The following PTPRK variants were observed in gnomAD, a reference collection of about 807,000 sequenced individuals.
The protein encoded by PTPRK is protein tyrosine phosphatase receptor type K.
Under a neutral mutation model 178.0 loss-of-function variants are expected in PTPRK, and 75 were observed. The ratio of observed to expected loss-of-function variants is 0.42; its 90% CI spans 0.35 to 0.51. PTPRK has a LOEUF of 0.51. Among genes scored for constraint, PTPRK ranks in the 20% least tolerant of loss-of-function variants. The probability of loss-of-function intolerance (pLI) is 0.02; values close to 1 mark genes in which losing one functional copy is unlikely to be tolerated. For synonymous variants in PTPRK, 637 were observed against 620.6 expected (o/e 1.03, Z -0.39); for missense variants, 1,441 against 1,797.8 (o/e 0.80, Z 3.59).
At chr6:128,018,466 A>G (rs1199350085) in intron 13 of PTPRK, among the ~76,000 whole-genome samples, 1 of 152,054 alleles carries the variant, frequency 6.6e-6, no homozygotes, top group Non-Finnish European at 1.5e-5. Flanking sequence ...AAAAACACTA[A>G]TAGTGAACAT....
intron 1 of PTPRK, among the ~76,000 whole-genome samples, chr6:128,494,332 G>T (rs1351492809): frequency 6.6e-6 from 1 of 151,626 alleles, no homozygotes; most frequent in East Asian, 1.9e-4. Context: ...TGATTTAGTA[G>T]ATTTTAAATT....
chr6:128,449,870 A>C (rs1420497047), intron 1 of PTPRK, among the ~76,000 whole-genome samples: 1 of 151,860 alleles, frequency 6.6e-6, no homozygotes, highest in Non-Finnish European at 1.5e-5. Flanking sequence ...GCGAGGCAGA[A>C]GAATTATTTG....
At position 128,089,756 on chromosome 6, in the gene PTPRK, T is replaced by C; in HGVS notation, c.1399A>G (p.Met467Val). 3.1e-6 allele frequency: 5 copies of C among 1,613,508 alleles called. No homozygotes were observed. Among genetic ancestry groups the C allele is most frequent in the Non-Finnish European group, 3.4e-6 (4 of 1,179,428 alleles). ...CTTCCCTCTGGATTGGTTAGGATCA[T>C]CTTGAGGCTGACATTTGTATAAGGT... ...LPPYTNVSLK[M>V]ILTNPEGRKE... The change falls in exon 8 of 30, where the codon ATG (methionine) becomes GTG (valine). Residue 467 changes from methionine to valine, a missense_variant. By Grantham distance (21) the Met-to-Val change is conservative. Around this residue, in one of 4 missense-constraint regions of PTPRK, gnomAD observed 945 missense variants for 1,080.6 expected, o/e 0.87. Transcript: ENST00000368226.
chr6:127,992,651 A>G (rs1336227359), intron 19 of PTPRK, 22 bp downstream of exon 19: 12 of 1,582,558 alleles, frequency 7.6e-6, no homozygotes, highest in Non-Finnish European at 1.0e-5. Flanking sequence ...TTTCTATAAC[A>G]TTTAACAAGG....
intron 13 of PTPRK, among the ~76,000 whole-genome samples, chr6:128,046,448 AG>A (rs2114855182): frequency 1.3e-5 from 2 of 152,230 alleles, no homozygotes; most frequent in South Asian, 4.1e-4. Flanking sequence ...ATTCCATCCT[AG>A]GGACCAAGAA....
chr6:128,210,046 G>C (rs1162223092), intron 6 of PTPRK, among the ~76,000 whole-genome samples: 1 of 152,106 alleles, frequency 6.6e-6, no homozygotes, highest in Non-Finnish European at 1.5e-5. Context: ...AGACTGCCTT[G>C]GAGAAGGTAA....
At position 128,520,430 on chromosome 6, in the gene PTPRK, G is replaced by A; in HGVS notation, c.-72C>T. On this transcript the variant is annotated 5_prime_UTR_variant, in exon 1 of 30. Transcript: ENST00000368226. ...GGGGATCGCCGCGAAATCCACGACG[G>A]AGGAGCGGGCCGGGCCTCGCGGGGT... 3 of 1,459,872 alleles carry A rather than the reference G, an allele frequency of 2.1e-6. No individual in the cohort carries two copies. The highest frequency in any genetic ancestry group is 2.8e-6 in the Non-Finnish European group (3 of 1,064,642). 90.4% of individuals were successfully genotyped at this position (1,459,872 alleles called of 1,614,324 possible).
rs116711427 is a variant in PTPRK, at chr6:128,200,336, T to C, written c.869-15611A>G. Among the ~76,000 whole-genome samples, 788 of 152,210 alleles carry C rather than the reference T, an allele frequency of 5.2e-3. 13 individuals are homozygous for C. Among genetic ancestry groups the C allele is most frequent in the African/African-American group, 0.018 (752 of 41,518 alleles). ...TGCAAATGAGTCATTTAAAAGGGGA[T>C]TTAGCTCATGATTTGACTTTTATCA... On this transcript the variant is annotated intron_variant, in intron 6 of 29. Transcript: ENST00000368226.
intron 9 of PTPRK, 124 bp from the exon 10 acceptor site, chr6:128,082,762 T>G: frequency 1.6e-6 from 1 of 638,308 alleles, no homozygotes; most frequent in Non-Finnish European, 2.5e-6. Context: ...TTTTTTCTTC[T>G]TTTCTTTCTC....
chr6:127,980,456 C>T (rs1775186358), intron 25 of PTPRK, among the ~76,000 whole-genome samples: 1 of 151,766 alleles, frequency 6.6e-6, no homozygotes. Flanking sequence ...CATGCCACTG[C>T]ACTCCAGCCT....
chr6:128,126,862 G>T (rs906011901), intron 7 of PTPRK, among the ~76,000 whole-genome samples: 1 of 152,102 alleles, frequency 6.6e-6, no homozygotes, highest in Admixed American at 6.5e-5. Flanking sequence ...GCTTAATTTT[G>T]TATGAAATGT....
chr6:128,425,956 C>CT (rs34437896), intron 1 of PTPRK, among the ~76,000 whole-genome samples: 3 of 152,170 alleles, frequency 2.0e-5, no homozygotes, highest in Non-Finnish European at 2.9e-5. Flanking sequence ...ACATTAAATA[C>CT]TTTTTTTACT....
At chr6:128,040,659 G>A (rs936035256) in intron 13 of PTPRK, among the ~76,000 whole-genome samples, 3 of 152,018 alleles carry the variant, frequency 2.0e-5, no homozygotes, top group Non-Finnish European at 4.4e-5. Context: ...TGTACGTAAG[G>A]GTTAGTAATA....
At chr6:128,180,782 AG>A (rs1188324537) in intron 7 of PTPRK, among the ~76,000 whole-genome samples, 1 of 152,140 alleles carries the variant, frequency 6.6e-6, no homozygotes, top group South Asian at 2.1e-4. Context: ...TCAGAGAATA[AG>A]TTAGCCATGC....
chr6:127,979,142 T>C (rs1774956816), intron 25 of PTPRK, among the ~76,000 whole-genome samples: 1 of 152,124 alleles, frequency 6.6e-6, no homozygotes, highest in African/African-American at 2.4e-5. Flanking sequence ...CTGGGCATGA[T>C]GGCATACACC....
At chr6:128,169,590 T>C (rs1193597300) in intron 7 of PTPRK, among the ~76,000 whole-genome samples, 1 of 152,032 alleles carries the variant, frequency 6.6e-6, no homozygotes, top group East Asian at 1.9e-4. Flanking sequence ...TAGGGTATTT[T>C]TTATTGTTAT....
chr6:128,249,298 T>TTA lies in PTPRK; in HGVS notation c.496-6697_496-6696insTA, dbSNP rs1554372270. On this transcript the variant is annotated intron_variant, in intron 3 of 29. Coordinates refer to ENST00000368226, the MANE Select transcript of PTPRK (RefSeq NM_002844.4). ...TCAAAATCTATCATGTGGTGTGATT[T>TTA]AAAAAAAAAAAAAAACAGTATTTTT... Among the ~76,000 whole-genome samples the TTA allele has an allele frequency of 9.2e-3, 1,223 of 132,842 alleles. 16 individuals are homozygous for TTA. The highest frequency in any genetic ancestry group is 0.031 in the African/African-American group (1,137 of 36,744). 87.1% of individuals were successfully genotyped at this position (132,842 alleles called of 152,430 possible).
At chr6:128,010,377 T>C (rs1778918991) in intron 13 of PTPRK, among the ~76,000 whole-genome samples, 1 of 151,250 alleles carries the variant, frequency 6.6e-6, no homozygotes, top group South Asian at 2.1e-4. Context: ...AAGAAATCTC[T>C]AAACCTAACC....
At chr6:128,351,816 G>A (rs760130404) in intron 2 of PTPRK, among the ~76,000 whole-genome samples, 1 of 152,076 alleles carries the variant, frequency 6.6e-6, no homozygotes, top group Non-Finnish European at 1.5e-5. Flanking sequence ...TAGAGAGATG[G>A]GGTCAAGGTC....
Sources: allele counts gnomAD v4.1 joint callset (sites outside exome capture counted in the v4.1 genomes callset), GRCh38; gene constraint gnomAD v4.1.1; regional missense constraint gnomAD v4.1.1; transcripts MANE v1.5; gene names NCBI Gene and HGNC (gene_info 2026-07-23, HGNC 2026-07-21).